Variants in CPSF4 observed in about 807,000 individuals in gnomAD.
CPSF4 encodes the protein cleavage and polyadenylation specific factor 4.
A neutral mutation model predicts 37.7 loss-of-function variants in CPSF4; 11 were observed. The observed-to-expected ratio is 0.29, with a 90% CI of 0.18 to 0.48. CPSF4 has a LOEUF of 0.48. Ranked by LOEUF, CPSF4 falls within the 20% of genes least tolerant of loss-of-function variation. CPSF4 has a pLI of 0.99. For missense variants in CPSF4, 144 were observed against 359.5 expected, an observed-to-expected ratio of 0.40 and a Z score of 4.85; for synonymous variants, 132 against 135.9, an observed-to-expected ratio of 0.97 and a Z score of 0.20.
At chr7:99,440,947 C>CTT (rs555082595) in intron 1 of CPSF4, among the ~76,000 whole-genome samples, 42 of 120,246 alleles carry the variant, frequency 3.5e-4, no homozygotes, top group African/African-American at 7.0e-4. Flanking sequence ...CTTTTCCTGT[C>CTT]TTTTTTTTTT....
intron 2 of CPSF4, 108 bp downstream of exon 2, chr7:99,444,947 G>A: frequency 1.1e-6 from 1 of 950,704 alleles, no homozygotes; most frequent in East Asian, 2.4e-5. Context: ...GCTTTCTACA[G>A]ACTAACGATC....
At position 99,453,295 on chromosome 7, in the gene CPSF4, C is replaced by T. The variant is rs1294275675; in HGVS notation, c.571-671C>T. On this transcript the variant is annotated intron_variant, in intron 6 of 7. Coordinates refer to ENST00000292476, the MANE Select transcript of CPSF4 (RefSeq NM_006693.4). This position sits in a 1 kb window ranked among gnomAD's most constrained non-coding sequence, Gnocchi z 4.7. ...CGCTCAGTGCTAGAGGCTGAACAGC[C>T]AGGAGAGGATGCGGAGGATGTAGCT... is the stretch of plus-strand genomic sequence containing the variant. The T allele has an allele frequency of 6.6e-6, 1 of 152,632 alleles. No individual in the cohort carries two copies. The highest frequency in any genetic ancestry group is 1.5e-5 in the Non-Finnish European group (1 of 68,410). The allele number at this position is 152,632 out of a possible 1,614,324, so 9.5% of individuals were successfully genotyped here.
At position 99,438,966 on chromosome 7, in the gene CPSF4, G is replaced by C. The variant is rs1245112508; in HGVS notation, c.-117G>C. 8 of 1,333,352 alleles carry C rather than the reference G, an allele frequency of 6.0e-6. No individual in the cohort carries two copies. The highest frequency in any genetic ancestry group is 7.7e-6 in the Non-Finnish European group (8 of 1,038,622). 82.6% of individuals were successfully genotyped at this position (1,333,352 alleles called of 1,614,324 possible). A position where few individuals can be genotyped will look rare whatever the true frequency, so the allele number is the denominator to read the frequency against. On this transcript the variant is annotated 5_prime_UTR_variant, in exon 1 of 8. Transcript: ENST00000292476. ...CCGGCATCCCTCGGGCGGCGGCGGCGGCGGCGGCGAGGCGAAGCGAAGGAG... is the reference window on the plus strand; with the variant it reads ...CCGGCATCCCTCGGGCGGCGGCGGCCGCGGCGGCGAGGCGAAGCGAAGGAG...
Position 99,453,983 on chromosome 7 carries a change from A to T in CPSF4, c.588A>T (p.Pro196=), listed in dbSNP as rs752901925. 1 of 1,614,050 alleles carries T rather than the reference A, an allele frequency of 6.2e-7. No individual in the cohort carries two copies. Among genetic ancestry groups the T allele is most frequent in the Non-Finnish European group, 8.5e-7 (1 of 1,179,982 alleles). Residue 196 remains proline (P), a synonymous_variant, in exon 7 of 8, where the codon CCA becomes CCT. Coordinates refer to ENST00000292476, the MANE Select transcript of CPSF4 (RefSeq NM_006693.4). The surrounding 1 kb of genome is among the most constrained non-coding windows in gnomAD (Gnocchi z 4.7). ...QPPAKQSNNP[P]LQRSSSLIQL... The stretch of plus-strand genomic sequence containing the variant: ...CTTTCCAGCAAAGTAACAATCCGCC[A>T]TTACAAAGGTCGTCCTCCTTGATCC...
intron 1 of CPSF4, chr7:99,443,596 G>A (rs1027562968): frequency 2.6e-5 from 14 of 543,806 alleles, no homozygotes; most frequent in African/African-American, 1.1e-4. Flanking sequence ...GGCGGATCAC[G>A]AGGTCAGGAG....
chr7:99,450,812 T>A lies in CPSF4; in HGVS notation c.497+17T>A. The A allele has an allele frequency of 6.3e-7, 1 of 1,585,692 alleles. No individual in the cohort carries two copies. The highest frequency in any genetic ancestry group is 8.7e-7 in the Non-Finnish European group (1 of 1,155,774). On this transcript the variant is annotated intron_variant, in intron 5 of 7. Coordinates refer to ENST00000292476, the MANE Select transcript of CPSF4 (RefSeq NM_006693.4). The stretch of plus-strand genomic sequence containing the variant: ...ATTCATGCAGTGAGTAGCCAGCTGC[T>A]CCGCCCTCTACCCCAGCTCCCGGCC...
intron 1 of CPSF4, among the ~76,000 whole-genome samples, chr7:99,440,674 A>ATATATATATATATATATTTTT: frequency 1.1e-5 from 1 of 88,130 alleles, no homozygotes; most frequent in African/African-American, 9.7e-5. Context: ...ATATATATAT[A>ATATATATATATATATATTTTT]TTTTTTTTTT....
At chr7:99,455,571 G>T (rs1798251335) in intron 7 of CPSF4, among the ~76,000 whole-genome samples, 1 of 152,224 alleles carries the variant, frequency 6.6e-6, no homozygotes, top group Non-Finnish European at 1.5e-5. Flanking sequence ...CAAGAGTGTT[G>T]GGTGCCAACT....
chr7:99,442,473 G>C (rs994812162), intron 1 of CPSF4, among the ~76,000 whole-genome samples: 1 of 151,638 alleles, frequency 6.6e-6, no homozygotes, highest in African/African-American at 2.4e-5. Context: ...TGGCTAACAC[G>C]GTGAAACCCC....
Position 99,438,973 on chromosome 7 carries a change from G to A in CPSF4, c.-110G>A. 1 of 1,323,622 alleles carries A rather than the reference G, an allele frequency of 7.6e-7. No individual in the cohort carries two copies. Among genetic ancestry groups the A allele is most frequent in the Non-Finnish European group, 9.7e-7 (1 of 1,026,218 alleles). The allele number at this position is 1,323,622 out of a possible 1,614,324, so 82.0% of individuals were successfully genotyped here. A position where few individuals can be genotyped will look rare whatever the true frequency, so the allele number is the denominator to read the frequency against. On this transcript the variant is annotated 5_prime_UTR_variant, in exon 1 of 8. Transcript: ENST00000292476. The stretch of plus-strand genomic sequence containing the variant: ...CCCTCGGGCGGCGGCGGCGGCGGCG[G>A]CGAGGCGAAGCGAAGGAGGAGTGTG...
Position 99,453,826 on chromosome 7 carries a change from C to G in CPSF4, c.571-140C>G. ...TCACCACATGTTTCTCTGCTGCCCA[C>G]TGTCCTGAGGTGGGCCGTCGTGGAA... On this transcript the variant is annotated intron_variant, in intron 6 of 7. Transcript: ENST00000292476. The surrounding 1 kb of genome is among the most constrained non-coding windows in gnomAD (Gnocchi z 4.7). 1 of 712,718 alleles carries G rather than the reference C, an allele frequency of 1.4e-6. No individual in the cohort carries two copies. The highest frequency in any genetic ancestry group is 2.6e-5 in the East Asian group (1 of 38,466). 44.1% of individuals were successfully genotyped at this position (712,718 alleles called of 1,614,324 possible).
At chr7:99,439,943 G>T (rs916370141) in intron 1 of CPSF4, among the ~76,000 whole-genome samples, 4 of 152,022 alleles carry the variant, frequency 2.6e-5, no homozygotes, top group African/African-American at 9.7e-5. Flanking sequence ...GTGGACCCTT[G>T]GCCTGAACTC....
At chr7:99,451,470 C>T (rs1797929505) in intron 5 of CPSF4, among the ~76,000 whole-genome samples, 1 of 152,040 alleles carries the variant, frequency 6.6e-6, no homozygotes, top group Admixed American at 6.5e-5. Context: ...CCAGGTGTAG[C>T]GGCGCGTGCC....
chr7:99,446,694 ACC>A (rs1272498775), intron 2 of CPSF4, among the ~76,000 whole-genome samples: 1 of 109,498 alleles, frequency 9.1e-6, no homozygotes, highest in African/African-American at 3.6e-5. Context: ...TGCAAGCTTG[ACC>A]TCCTGGGCCC....
Position 99,443,658 on chromosome 7 carries a change from T to A in CPSF4, c.104-1131T>A, listed in dbSNP as rs964699446. On this transcript the variant is annotated intron_variant, in intron 1 of 7. Coordinates refer to ENST00000292476, the MANE Select transcript of CPSF4 (RefSeq NM_006693.4). The stretch of plus-strand genomic sequence containing the variant: ...TGTGGGCCAGGTGTGGTGGCTCACG[T>A]CTATAATCCCAGCACTTTGGGAGGC... Among the ~76,000 whole-genome samples, 11 of 152,122 alleles carry A rather than the reference T, an allele frequency of 7.2e-5. No homozygotes were observed. The East Asian group carries it at 1.6e-3, about 21-fold the overall frequency.
rs1245760323 is a variant in CPSF4, at chr7:99,444,909, G to A, written c.154+70G>A. 15 of 1,360,206 alleles carry A rather than the reference G, an allele frequency of 1.1e-5. No individual in the cohort carries two copies. The Admixed American group carries it at 2.1e-4, about 19-fold the overall frequency. 84.3% of individuals were successfully genotyped at this position (1,360,206 alleles called of 1,614,324 possible). On this transcript the variant is annotated intron_variant, in intron 2 of 7. Coordinates refer to ENST00000292476, the MANE Select transcript of CPSF4 (RefSeq NM_006693.4). ...CCACCTCCTTCTCCCCGGCAGACTTGGAGGCCGCCAGGTCTCTGGCTTACA... is the reference window on the plus strand; with the variant it reads ...CCACCTCCTTCTCCCCGGCAGACTTAGAGGCCGCCAGGTCTCTGGCTTACA...
chr7:99,453,894 T>C lies in CPSF4; in HGVS notation c.571-72T>C. 6.8e-7 allele frequency: 1 copy of C among 1,478,220 alleles called. No homozygotes were observed. Among genetic ancestry groups the C allele is most frequent in the Non-Finnish European group, 9.3e-7 (1 of 1,074,246 alleles). The allele number at this position is 1,478,220 out of a possible 1,614,324, so 91.6% of individuals were successfully genotyped here. A position where few individuals can be genotyped will look rare whatever the true frequency, so the allele number is the denominator to read the frequency against. ...TTGCGGGACGAGTCCCGCCCTCTTT[T>C]TTCCTGTCCCCATCGGTAGTCTGCG... On this transcript the variant is annotated intron_variant, in intron 6 of 7. Transcript: ENST00000292476. This position sits in a 1 kb window ranked among gnomAD's most constrained non-coding sequence, Gnocchi z 4.7.
At chr7:99,441,473 C>G (rs1796979575) in intron 1 of CPSF4, 1 of 456,146 alleles carries the variant, frequency 2.2e-6, no homozygotes, top group South Asian at 1.5e-5. Context: ...TCCACACTCG[C>G]TGCTTGTCCA....
intron 7 of CPSF4, 128 bp from the exon 8 acceptor site, chr7:99,456,304 A>G: frequency 1.3e-6 from 1 of 775,492 alleles, no homozygotes; most frequent in South Asian, 1.5e-5. Flanking sequence ...TGAGAATTTC[A>G]GAGTCATGTC....
Sources: gnomAD v4.1 joint callset for allele counts (sites outside exome capture counted in the v4.1 genomes callset) on GRCh38, gnomAD v4.1.1 for gene constraint, Gnocchi (gnomAD v3.1) non-coding constraint, MANE v1.5 for transcripts, NCBI Gene and HGNC (gene_info 2026-07-23, HGNC 2026-07-21) for gene names.